PAPOLA: variants seen among roughly 807,000 people sequenced by gnomAD.
The protein encoded by PAPOLA is polynucleotide adenylyltransferase alpha.
PAPOLA carries 15 observed loss-of-function variants against 100.6 expected under a neutral mutation model. The observed-to-expected ratio is 0.15, with a 90% CI of 0.10 to 0.23. The LOEUF (loss-of-function observed/expected upper bound fraction) is 0.23, where lower values mean the gene tolerates loss of function less well. Ranked by LOEUF, PAPOLA falls within the 10% of genes least tolerant of loss-of-function variation. PAPOLA has a pLI of 1.00. For synonymous variants in PAPOLA, 293 were observed against 300.0 expected (o/e 0.98, Z 0.24); for missense variants, 533 against 884.2 (o/e 0.60, Z 5.04).
chr14:96,532,153 A>G, intron 7 of PAPOLA, 178 bp from the exon 8 acceptor site: 1 of 1,378,776 alleles, frequency 7.3e-7, no homozygotes, highest in Non-Finnish European at 9.3e-7. Context: ...CCCCCTCTTT[A>G]TTGAATTAGC....
At chr14:96,536,311 T>C (rs1899523126) in intron 11 of PAPOLA, among the ~76,000 whole-genome samples, 1 of 152,108 alleles carries the variant, frequency 6.6e-6, no homozygotes, top group African/African-American at 2.4e-5. Flanking sequence ...GAGAGATGTT[T>C]AGCAGGCTGT....
At chr14:96,542,626 CGTT>C (rs759336147) in intron 13 of PAPOLA, 145 bp from the exon 14 acceptor site, 44 of 693,436 alleles carry the variant, frequency 6.3e-5, no homozygotes, top group Non-Finnish European at 8.3e-5. Flanking sequence ...CTTTTTTCCC[CGTT>C]GTTTGGCAAT....
At chr14:96,521,894 C>T (rs1340061768) in intron 3 of PAPOLA, among the ~76,000 whole-genome samples, 4 of 152,074 alleles carry the variant, frequency 2.6e-5, no homozygotes, top group African/African-American at 7.2e-5. Flanking sequence ...CACCACCTCC[C>T]GGGTTCAAGT....
chr14:96,534,944 G>T (rs1254254778), intron 10 of PAPOLA: 2 of 994,986 alleles, frequency 2.0e-6, no homozygotes, highest in African/African-American at 3.5e-5. Context: ...GTTGTTATAG[G>T]AAAGCTGTTA....
intron 17 of PAPOLA, among the ~76,000 whole-genome samples, chr14:96,554,038 T>C (rs986865857): frequency 6.6e-6 from 1 of 152,212 alleles, no homozygotes; most frequent in Non-Finnish European, 1.5e-5. Context: ...GAAACTAACA[T>C]TTTAATAAGA....
chr14:96,535,817 A>G, intron 10 of PAPOLA, 62 bp from the exon 11 acceptor site: 6 of 1,364,582 alleles, frequency 4.4e-6, no homozygotes, highest in Non-Finnish European at 5.8e-6. Context: ...ACAAGGGGTA[A>G]AAAGCCCAAG....
chr14:96,517,698 CTTTTTTT>C (rs774296764), intron 1 of PAPOLA, among the ~76,000 whole-genome samples: 364 of 121,870 alleles, frequency 3.0e-3, no homozygotes, highest in Non-Finnish European at 3.4e-3. Context: ...TCAGCAAATG[CTTTTTTT>C]TTTTTTTTTT....
chr14:96,519,516 G>A (rs1348831670), intron 1 of PAPOLA, among the ~76,000 whole-genome samples: 4 of 152,012 alleles, frequency 2.6e-5, no homozygotes, highest in African/African-American at 9.7e-5. Context: ...CATCATTATC[G>A]AAGTGTAAAT....
chr14:96,551,569 C>A (rs1330786098), intron 16 of PAPOLA, among the ~76,000 whole-genome samples: 1 of 151,968 alleles, frequency 6.6e-6, no homozygotes, highest in African/African-American at 2.4e-5. Context: ...AATGCAGGCA[C>A]ATGTATAAGG....
chr14:96,533,482 G>A (rs1317168469), intron 9 of PAPOLA: 1 of 984,150 alleles, frequency 1.0e-6, no homozygotes, highest in Non-Finnish European at 1.2e-6. Context: ...TACACATTCT[G>A]GCTGTTTTGG....
intron 17 of PAPOLA, among the ~76,000 whole-genome samples, chr14:96,554,933 A>G (rs1215778943): frequency 6.6e-6 from 1 of 152,114 alleles, no homozygotes; most frequent in Non-Finnish European, 1.5e-5. Flanking sequence ...TATACTTAGA[A>G]TTTGGGGTAA....
In PAPOLA at chr14:96,566,886, G is replaced by C. The variant is rs1216084160; in HGVS notation, c.*1836G>C. 1.3e-5 allele frequency: 2 copies of C among 152,548 alleles called. No individual in the cohort carries two copies. Among genetic ancestry groups the C allele is most frequent in the Non-Finnish European group, 2.9e-5 (2 of 67,998 alleles). 9.4% of individuals were successfully genotyped at this position (152,548 alleles called of 1,614,324 possible). On this transcript the variant is annotated 3_prime_UTR_variant, in exon 22 of 22. Transcript: ENST00000216277. ...AAACGTTTCATGTAACTGCACCCAA[G>C]TTTTGCCAAGCTGGAAACTTGGACC...
At chr14:96,561,952 T>G (rs1301624880) in intron 20 of PAPOLA, among the ~76,000 whole-genome samples, 1 of 151,926 alleles carries the variant, frequency 6.6e-6, no homozygotes, top group African/African-American at 2.4e-5. Context: ...TGGAGTGCAG[T>G]GGGACAATCT....
intron 1 of PAPOLA, chr14:96,504,483 G>C (rs1394784912): frequency 6.6e-6 from 1 of 152,252 alleles, no homozygotes; most frequent in African/African-American, 2.4e-5. Flanking sequence ...CAGGTAAATC[G>C]CTTGAGGCCA....
At chr14:96,549,987 TA>T (rs1425171171) in intron 16 of PAPOLA, among the ~76,000 whole-genome samples, 3 of 151,662 alleles carry the variant, frequency 2.0e-5, no homozygotes, top group African/African-American at 4.8e-5. Flanking sequence ...ACTCCGTCTC[TA>T]AAAAAAAATT....
intron 2 of PAPOLA, 71 bp from the exon 3 acceptor site, chr14:96,520,935 C>CTATT: frequency 1.3e-6 from 1 of 788,748 alleles, no homozygotes. Context: ...GGAAGAACGC[C>CTATT]TATTTAAAAC....
Position 96,556,265 on chromosome 14 carries a change from C to T in PAPOLA, c.1856C>T (p.Thr619Ile), listed in dbSNP as rs750150772. Reference sequence around the variant, plus strand: ...ACGGTCTCCAGAGTTGTTTCTTCAACACGTCTGGTAAACCCACCACCTAGA... The same window carrying T: ...ACGGTCTCCAGAGTTGTTTCTTCAATACGTCTGGTAAACCCACCACCTAGA... ...KPTVSRVVSS[T>I]RLVNPPPRSS... The change falls in exon 19 of 22, where the codon ACA becomes ATA. Residue 619 changes from threonine (T) to isoleucine (I), a missense_variant. By Grantham distance (89) the Thr-to-Ile change is moderately conservative (BLOSUM62 -1). Transcript: ENST00000216277. 3 of 1,613,944 alleles carry T rather than the reference C, an allele frequency of 1.9e-6. No individual in the cohort carries two copies. Among genetic ancestry groups the T allele is most frequent in the Non-Finnish European group, 1.7e-6 (2 of 1,180,010 alleles).
chr14:96,503,952 A>G (rs1013836431), intron 1 of PAPOLA, among the ~76,000 whole-genome samples: 2 of 152,182 alleles, frequency 1.3e-5, no homozygotes, highest in African/African-American at 4.8e-5. Flanking sequence ...AGTCTATCAC[A>G]TTACTTCTGT....
chr14:96,556,036 G>A, intron 18 of PAPOLA, 89 bp downstream of exon 18: 5 of 1,166,438 alleles, frequency 4.3e-6, no homozygotes, highest in Non-Finnish European at 5.1e-6. Flanking sequence ...TTAAGTAGTT[G>A]AAATTCAGTT....
Sources: gnomAD v4.1 joint callset for allele counts (sites outside exome capture counted in the v4.1 genomes callset) on GRCh38, gnomAD v4.1.1 for gene constraint, MANE v1.5 for transcripts, NCBI Gene and HGNC (gene_info 2026-07-23, HGNC 2026-07-21) for gene names.